TUBA8: variants seen among roughly 807,000 people sequenced by gnomAD.
TUBA8 encodes tubulin alpha-8 chain.
TUBA8 carries 29 observed loss-of-function variants against 34.7 expected under a neutral mutation model. That is an observed-to-expected ratio of 0.84 (90% confidence interval 0.62 to 1.14). The LOEUF is 1.14. TUBA8 is among the 50% of genes most tolerant of loss of function. The pLI is 0.00. For synonymous variants in TUBA8, 226 were observed against 231.2 expected, an observed-to-expected ratio of 0.98 and a Z score of 0.21; for missense variants, 541 against 599.2, an observed-to-expected ratio of 0.90 and a Z score of 1.01.
Position 18,121,438 on chromosome 22 carries a change from G to A in TUBA8, c.4-41G>A. 4.5e-6 allele frequency: 7 copies of A among 1,568,332 alleles called. No homozygotes were observed. The highest frequency in any genetic ancestry group is 6.1e-6 in the Non-Finnish European group (7 of 1,138,386). Reference sequence around the variant, plus strand: ...GGATGTAGGGCAAAGGCATGCTGGGGGCCCAGACTCTCTGACCTCGTTGCT... The same window carrying A: ...GGATGTAGGGCAAAGGCATGCTGGGAGCCCAGACTCTCTGACCTCGTTGCT... On this transcript the variant is annotated intron_variant, in intron 1 of 4. Transcript: ENST00000330423. This position sits in a 1 kb window ranked among gnomAD's most constrained non-coding sequence, Gnocchi z 4.8.
intron 4 of TUBA8, 144 bp from the exon 5 acceptor site, chr22:18,130,699 C>A: frequency 9.5e-7 from 1 of 1,052,254 alleles, no homozygotes; most frequent in Non-Finnish European, 1.4e-6. Context: ...AGTCCCATCC[C>A]GCCTGTTGCA....
In TUBA8 at chr22:18,124,840, T is replaced by C. The variant is rs968092667; in HGVS notation, c.375+536T>C. On this transcript the variant is annotated intron_variant, in intron 3 of 4. Coordinates refer to ENST00000330423, the MANE Select transcript of TUBA8 (RefSeq NM_018943.3). This position sits in a 1 kb window ranked among gnomAD's most constrained non-coding sequence, Gnocchi z 4.3. The stretch of plus-strand genomic sequence containing the variant: ...AAAGTGGCAGAGCTGGGGTTTGAAC[T>C]CAGTTGGACTACAAAGCTCTTGAGT... 6.5e-6 allele frequency: 1 copy of C among 154,606 alleles called. No individual in the cohort carries two copies. Among genetic ancestry groups the C allele is most frequent in the African/African-American group, 2.4e-5 (1 of 41,468 alleles). 9.6% of individuals were successfully genotyped at this position (154,606 alleles called of 1,614,324 possible).
rs374872598 is a variant in TUBA8, at chr22:18,130,954, C to T, written c.1168C>T (p.Arg390Cys). ...CACGGCCATTGCGGAGGCCTGGGCC[C>T]GCCTCGACCACAAGTTCGACCTCAT... ...NTTAIAEAWA[R>C]LDHKFDLMYA... is the part of the protein sequence containing the mutation. Residue 390 changes from arginine (R) to cysteine (C), a missense_variant, in exon 5 of 5, where the codon CGC (arginine) becomes TGC (cysteine). Transcript: ENST00000330423. The T allele has an allele frequency of 7.4e-6, 12 of 1,614,092 alleles. No homozygotes were observed. The highest frequency in any genetic ancestry group is 1.7e-4 in the Middle Eastern group (1 of 6,060).
At chr22:18,114,238 C>T (rs1244065042) in intron 1 of TUBA8, 1 of 152,288 alleles carries the variant, frequency 6.6e-6, no homozygotes, top group Non-Finnish European at 1.5e-5. Flanking sequence ...GATTGAAACT[C>T]CTAAGTGTCT....
In TUBA8 at chr22:18,118,966, A is replaced by C. The variant is rs886130983; in HGVS notation, c.4-2513A>C. On this transcript the variant is annotated intron_variant, in intron 1 of 4. Transcript: ENST00000330423. This position sits in a 1 kb window ranked among gnomAD's most constrained non-coding sequence, Gnocchi z 4.0. ...CTGCGTCCTCCCTGGAAAGCCCCAG[A>C]ATGTTCCAGAAGTGAGAGCAGGCTG... The C allele has an allele frequency of 1.3e-5, 2 of 152,204 alleles. No homozygotes were observed. Among genetic ancestry groups the C allele is most frequent in the African/African-American group, 4.8e-5 (2 of 41,406 alleles). The allele number at this position is 152,204 out of a possible 1,614,324, so 9.4% of individuals were successfully genotyped here. A position where few individuals can be genotyped will look rare whatever the true frequency, so the allele number is the denominator to read the frequency against.
chr22:18,118,115 C>A lies in TUBA8; in HGVS notation c.4-3364C>A, dbSNP rs1362395076. On this transcript the variant is annotated intron_variant, in intron 1 of 4. Coordinates refer to ENST00000330423, the MANE Select transcript of TUBA8 (RefSeq NM_018943.3). This position sits in a 1 kb window ranked among gnomAD's most constrained non-coding sequence, Gnocchi z 4.0. ...GGCGACCCTGGTAGTTACGTCCCCC[C>A]TTGTGACTATAACAGTGGTTCTTTG... is the stretch of plus-strand genomic sequence containing the variant. The A allele has an allele frequency of 2.0e-5, 3 of 152,204 alleles. No individual in the cohort carries two copies. The highest frequency in any genetic ancestry group is 4.8e-5 in the African/African-American group (2 of 41,458). 9.4% of individuals were successfully genotyped at this position (152,204 alleles called of 1,614,324 possible).
Position 18,126,673 on chromosome 22 carries a change from G to T in TUBA8, c.695G>T (p.Ser232Ile). The T allele has an allele frequency of 6.2e-7, 1 of 1,614,160 alleles. No homozygotes were observed. Among genetic ancestry groups the T allele is most frequent in the Non-Finnish European group, 8.5e-7 (1 of 1,180,024 alleles). The change falls in exon 4 of 5, where the codon AGT becomes ATT. Residue 232 changes from serine to isoleucine, a missense_variant. Ser to Ile is a moderately radical substitution (Grantham distance 142). Transcript: ENST00000330423. This position sits in a 1 kb window ranked among gnomAD's most constrained non-coding sequence, Gnocchi z 4.0. ...PTYTNLNRLISQIVSSITASL... is the reference protein window; with the variant it reads ...PTYTNLNRLIIQIVSSITASL... ...TATACCAACCTCAACCGCCTCATCA[G>T]TCAGATTGTGTCCTCAATCACTGCT...
chr22:18,111,157 G>T lies in TUBA8; in HGVS notation c.3+289G>T, dbSNP rs1409307126. On this transcript the variant is annotated intron_variant, in intron 1 of 4. Transcript: ENST00000330423. This position sits in a 1 kb window ranked among gnomAD's most constrained non-coding sequence, Gnocchi z 5.1. ...GGCCCTGGGGAGCCCGACGGAGAAG[G>T]GGGCGAGATTCTGGGGTCCCCAGAT... The T allele has an allele frequency of 3.5e-6, 2 of 563,412 alleles. No individual in the cohort carries two copies. The highest frequency in any genetic ancestry group is 6.3e-6 in the Non-Finnish European group (2 of 317,280). The allele number at this position is 563,412 out of a possible 1,614,324, so 34.9% of individuals were successfully genotyped here.
chr22:18,115,009 AG>A, intron 1 of TUBA8: 1 of 152,314 alleles, frequency 6.6e-6, no homozygotes, highest in African/African-American at 2.4e-5. Context: ...AAATTATAAA[AG>A]GGCTGCAAAG....
rs2234325 is a variant in TUBA8, at chr22:18,121,782, C to T, written c.226+81C>T. The T allele has an allele frequency of 5.5e-3, 7,673 of 1,396,722 alleles. 312 individuals are homozygous for T. The African/African-American group carries it at 0.095, about 17-fold the overall frequency. The allele number at this position is 1,396,722 out of a possible 1,614,324, so 86.5% of individuals were successfully genotyped here. ...TGGCCCACAGTAGCTAAGGAAGCAGCGTCTCTAGCTGGAAGGTGGGGATGG... is the reference window on the plus strand; with the variant it reads ...TGGCCCACAGTAGCTAAGGAAGCAGTGTCTCTAGCTGGAAGGTGGGGATGG... On this transcript the variant is annotated intron_variant, in intron 2 of 4. Coordinates refer to ENST00000330423, the MANE Select transcript of TUBA8 (RefSeq NM_018943.3). This position sits in a 1 kb window ranked among gnomAD's most constrained non-coding sequence, Gnocchi z 4.8.
At chr22:18,123,200 G>A (rs1310468930) in intron 2 of TUBA8, 2 of 151,616 alleles carry the variant, frequency 1.3e-5, no homozygotes, top group African/African-American at 4.9e-5. Context: ...GAGTCAAGGT[G>A]GAAGGGAGGA....
At position 18,126,109 on chromosome 22, in the gene TUBA8, T is replaced by C; in HGVS notation, c.376-245T>C. The C allele has an allele frequency of 1.8e-6, 1 of 542,716 alleles. No homozygotes were observed. The highest frequency in any genetic ancestry group is 2.1e-5 in the South Asian group (1 of 48,206). 33.6% of individuals were successfully genotyped at this position (542,716 alleles called of 1,614,324 possible). On this transcript the variant is annotated intron_variant, in intron 3 of 4. Transcript: ENST00000330423. This position sits in a 1 kb window ranked among gnomAD's most constrained non-coding sequence, Gnocchi z 4.0. ...AACTCCTGGCCTCAATGGATCCTCC[T>C]GCCTCAGCTTCCCAAACTGCTGGGA...
At chr22:18,130,505 C>T (rs1602502261) in intron 4 of TUBA8, 4 of 393,836 alleles carry the variant, frequency 1.0e-5, no homozygotes, top group South Asian at 2.4e-5. Context: ...TCACTGCAGC[C>T]TTGACCTCAT....
chr22:18,123,910 G>T (rs779955259), intron 2 of TUBA8: 1 of 527,792 alleles, frequency 1.9e-6, no homozygotes, highest in Middle Eastern at 5.3e-4. Flanking sequence ...AGTCTTTTTA[G>T]GGTTCTAGCC....
At chr22:18,114,637 G>A (rs361834) in intron 1 of TUBA8, 85,874 of 151,938 alleles carry the variant, frequency 0.57, 27,109 homozygotes, top group African/African-American at 0.86. Context: ...TAGGTCCTAA[G>A]ATATATGTGA....
rs150554542 is a variant in TUBA8 at position 18,124,219 on chromosome 22, A to T, written c.290A>T (p.Glu97Val). The change falls in exon 3 of 5, where the codon GAG becomes GTG. Residue 97 changes from glutamate to valine, a missense_variant. Glu to Val is a moderately radical substitution (Grantham distance 121). Coordinates refer to ENST00000330423, the MANE Select transcript of TUBA8 (RefSeq NM_018943.3). This position sits in a 1 kb window ranked among gnomAD's most constrained non-coding sequence, Gnocchi z 4.3. ...FHPEQLITGKEDAANNYARGH... is the reference protein window; with the variant it reads ...FHPEQLITGKVDAANNYARGH... ...CCAGAGCAGCTGATCACAGGAAAGG[A>T]GGATGCAGCCAACAACTATGCCCGG... 11 of 1,614,208 alleles carry T rather than the reference A, an allele frequency of 6.8e-6. No homozygotes were observed. The highest frequency in any genetic ancestry group is 9.3e-6 in the Non-Finnish European group (11 of 1,180,026).
chr22:18,123,805 G>A (rs1011088195), intron 2 of TUBA8: 1 of 334,596 alleles, frequency 3.0e-6, no homozygotes, highest in African/African-American at 2.1e-5. Flanking sequence ...GAACTCCTAA[G>A]CTCAGGCAAT....
Position 18,124,256 on chromosome 22 carries a change from G to T in TUBA8, c.327G>T (p.Thr109=). Reference sequence around the variant, plus strand: ...ACAACTATGCCCGGGGCCACTACACGGTGGGCAAGGAGAGCATTGACCTGG... The same window carrying T: ...ACAACTATGCCCGGGGCCACTACACTGTGGGCAAGGAGAGCATTGACCTGG... ...AANNYARGHY[T]VGKESIDLVL... The change falls in exon 3 of 5, where the codon ACG becomes ACT. Residue 109 remains threonine, a synonymous_variant. Coordinates refer to ENST00000330423, the MANE Select transcript of TUBA8 (RefSeq NM_018943.3). This position sits in a 1 kb window ranked among gnomAD's most constrained non-coding sequence, Gnocchi z 4.3. 1 of 1,614,164 alleles carries T rather than the reference G, an allele frequency of 6.2e-7. No homozygotes were observed. The highest frequency in any genetic ancestry group is 8.5e-7 in the Non-Finnish European group (1 of 1,180,022).
chr22:18,121,120 G>T lies in TUBA8; in HGVS notation c.4-359G>T. The T allele has an allele frequency of 3.2e-6, 1 of 317,286 alleles. No homozygotes were observed. The highest frequency in any genetic ancestry group is 6.1e-6 in the Non-Finnish European group (1 of 163,684). The allele number at this position is 317,286 out of a possible 1,614,324, so 19.7% of individuals were successfully genotyped here. A position where few individuals can be genotyped will look rare whatever the true frequency, so the allele number is the denominator to read the frequency against. On this transcript the variant is annotated intron_variant, in intron 1 of 4. Coordinates refer to ENST00000330423, the MANE Select transcript of TUBA8 (RefSeq NM_018943.3). This position sits in a 1 kb window ranked among gnomAD's most constrained non-coding sequence, Gnocchi z 4.8. ...CTGCCTTGTGTGGGCGTAGGCTGAA[G>T]GAGAGTTTCTGCCATGATCGCCAGT...
Sources: gnomAD v4.1 joint callset for allele counts on GRCh38, gnomAD v4.1.1 for gene constraint, Gnocchi (gnomAD v3.1) non-coding constraint, MANE v1.5 for transcripts, NCBI Gene and HGNC (gene_info 2026-07-23, HGNC 2026-07-21) for gene names.